DOCK1: variants seen among roughly 807,000 people sequenced by gnomAD.
DOCK1 encodes the protein dedicator of cytokinesis protein 1.
A neutral mutation model predicts 262.7 loss-of-function variants in DOCK1; 138 were observed. That is an observed-to-expected ratio of 0.53 (90% CI 0.46 to 0.61). The LOEUF (loss-of-function observed/expected upper bound fraction) is 0.61. Ranked by LOEUF, DOCK1 falls within the 20% of genes least tolerant of loss-of-function variation. The pLI is 0.00. For missense variants in DOCK1, 1,908 were observed against 2,370.7 expected (o/e 0.80, Z 4.05); for synonymous variants, 866 against 867.4 (o/e 1.00, Z 0.03).
intron 25 of DOCK1, among the ~76,000 whole-genome samples, chr10:127,117,429 A>G (rs1436691081): frequency 1.3e-5 from 2 of 152,260 alleles, no homozygotes; most frequent in Non-Finnish European, 2.9e-5. Flanking sequence ...GCATTCTGAA[A>G]ACTGAATTTA....
chr10:127,393,126 A>G (rs1456769698), intron 38 of DOCK1, among the ~76,000 whole-genome samples: 1 of 152,138 alleles, frequency 6.6e-6, no homozygotes, highest in African/African-American at 2.4e-5. Flanking sequence ...TGTTTACAAG[A>G]ATTTCCTTGG....
chr10:127,197,242 T>A (rs1455716977), intron 27 of DOCK1, among the ~76,000 whole-genome samples: 2 of 152,040 alleles, frequency 1.3e-5, no homozygotes, highest in African/African-American at 2.4e-5. Flanking sequence ...CCAGGAACCC[T>A]ACCCCCCATC....
chr10:127,282,127 G>C (rs1355699492), intron 29 of DOCK1, among the ~76,000 whole-genome samples: 1 of 152,186 alleles, frequency 6.6e-6, no homozygotes, highest in African/African-American at 2.4e-5. Flanking sequence ...TTGCGGGTTG[G>C]ACAAGCTTGG....
Position 127,305,108 on chromosome 10 carries a change from T to C in DOCK1, c.3045-33898T>C, listed in dbSNP as rs2061827387. 2.0e-5 allele frequency among the ~76,000 whole-genome samples: 3 copies of C among 151,728 alleles called. No homozygotes were observed. In the South Asian group the frequency reaches 6.3e-4, roughly 32 times the overall value. ...GTTTTCCAGTTGTCTCACCCCAGTC[T>C]AATTTTGCATATTTTTTTTAGCTCT... On this transcript the variant is annotated intron_variant, in intron 29 of 51. Transcript: ENST00000623213.
chr10:127,015,675 ACCTTCACG>A (rs1472850361), intron 12 of DOCK1, among the ~76,000 whole-genome samples: 4 of 151,724 alleles, frequency 2.6e-5, no homozygotes, highest in African/African-American at 9.7e-5. Flanking sequence ...TGCTGACTTG[ACCTTCACG>A]CTGGTCCCTC....
At chr10:127,259,896 C>T (rs999895342) in intron 29 of DOCK1, among the ~76,000 whole-genome samples, 12 of 151,848 alleles carry the variant, frequency 7.9e-5, no homozygotes, top group South Asian at 2.1e-4. Flanking sequence ...GCCAACCCTG[C>T]GCTACGTAAG....
At chr10:127,335,522 A>G (rs1231952631) in intron 29 of DOCK1, among the ~76,000 whole-genome samples, 1 of 151,990 alleles carries the variant, frequency 6.6e-6, no homozygotes, top group Non-Finnish European at 1.5e-5. Flanking sequence ...ATTTATTAGA[A>G]ATAACTTATG....
rs147611138 is a variant in DOCK1 at position 127,371,437 on chromosome 10, C to T, written c.3433-2344C>T. Among the ~76,000 whole-genome samples, 21 of 152,334 alleles carry T rather than the reference C, an allele frequency of 1.4e-4. No individual in the cohort carries two copies. In the East Asian group the frequency reaches 4.0e-3, roughly 29 times the overall value. ...CAGCATACCTAGGTAGCTGTAGCTT[C>T]CTCATTGCCTGTGTTTGTGACAGCT... On this transcript the variant is annotated intron_variant, in intron 33 of 51. Transcript: ENST00000623213.
intron 33 of DOCK1, among the ~76,000 whole-genome samples, chr10:127,367,264 C>T (rs1040547469): frequency 2.6e-5 from 4 of 152,188 alleles, no homozygotes; most frequent in African/African-American, 9.7e-5. Context: ...CCTTACACCT[C>T]CCCAAGAGCC....
At chr10:126,991,076 C>T (rs2039751709) in intron 6 of DOCK1, among the ~76,000 whole-genome samples, 1 of 152,160 alleles carries the variant, frequency 6.6e-6, no homozygotes, top group Non-Finnish European at 1.5e-5. Context: ...AACAGAAATA[C>T]AGCCCAGTTA....
chr10:127,257,270 C>T, intron 28 of DOCK1, 65 bp from the exon 29 acceptor site: 3 of 1,273,254 alleles, frequency 2.4e-6, no homozygotes, highest in Non-Finnish European at 3.3e-6. Flanking sequence ...ATCTAATTGA[C>T]AGGAGGGTAT....
At position 126,928,940 on chromosome 10, in the gene DOCK1, A is replaced by G. The variant is rs1043934882; in HGVS notation, c.46+23377A>G. Among the ~76,000 whole-genome samples, 332 of 152,330 alleles carry G rather than the reference A, an allele frequency of 2.2e-3. 1 individual carries two copies. The highest frequency in any genetic ancestry group is 7.5e-3 in the African/African-American group (310 of 41,574). ...GACTGGTATTACAGTTAAGTATTTAATCAGGTCACTTTCAGAGGCTTGGCG... is the reference window on the plus strand; with the variant it reads ...GACTGGTATTACAGTTAAGTATTTAGTCAGGTCACTTTCAGAGGCTTGGCG... On this transcript the variant is annotated intron_variant, in intron 1 of 51. Transcript: ENST00000623213.
At chr10:127,193,573 A>C (rs940280383) in intron 27 of DOCK1, among the ~76,000 whole-genome samples, 1 of 152,224 alleles carries the variant, frequency 6.6e-6, no homozygotes, top group African/African-American at 2.4e-5. Context: ...GGCTGGGCGC[A>C]AACAAGAGAA....
intron 25 of DOCK1, among the ~76,000 whole-genome samples, chr10:127,120,923 C>G (rs2049518749): frequency 6.6e-6 from 1 of 152,126 alleles, no homozygotes; most frequent in Non-Finnish European, 1.5e-5. Context: ...CTCATATTTG[C>G]TAAATACACA....
intron 27 of DOCK1, among the ~76,000 whole-genome samples, chr10:127,163,655 G>A (rs2133711118): frequency 6.6e-6 from 1 of 152,208 alleles, no homozygotes; most frequent in Non-Finnish European, 1.5e-5. Context: ...TGTCTAAATA[G>A]TATTCATATT....
At chr10:127,214,286 C>T (rs2058108535) in intron 27 of DOCK1, among the ~76,000 whole-genome samples, 1 of 152,116 alleles carries the variant, frequency 6.6e-6, no homozygotes, top group Non-Finnish European at 1.5e-5. Flanking sequence ...CAGCTGTGCA[C>T]GTCTTCTTCT....
intron 23 of DOCK1, among the ~76,000 whole-genome samples, chr10:127,093,124 T>C (rs1355574097): frequency 6.6e-6 from 1 of 151,954 alleles, no homozygotes; most frequent in Non-Finnish European, 1.5e-5. Flanking sequence ...CTGTGGTTTG[T>C]GGCTACATCA....
intron 37 of DOCK1, among the ~76,000 whole-genome samples, chr10:127,383,551 C>T (rs560987270): frequency 1.3e-5 from 2 of 152,326 alleles, no homozygotes; most frequent in African/African-American, 2.4e-5. Context: ...CTTGCCTGAC[C>T]TTTCTGGAAA....
At chr10:127,402,901 C>G (rs1023057076) in intron 38 of DOCK1, among the ~76,000 whole-genome samples, 154 bp from the exon 39 acceptor site, 2 of 152,234 alleles carry the variant, frequency 1.3e-5, no homozygotes, top group African/African-American at 4.8e-5. Context: ...ACATGAGACT[C>G]AAGAAAATAT....
Sources: gnomAD v4.1 joint callset for allele counts (sites outside exome capture counted in the v4.1 genomes callset) on GRCh38, gnomAD v4.1.1 for gene constraint, MANE v1.5 for transcripts, NCBI Gene and HGNC (gene_info 2026-07-23, HGNC 2026-07-21) for gene names.